NRCAM: variants seen among roughly 807,000 people sequenced by gnomAD.
NRCAM encodes the protein neuronal cell adhesion molecule, also known as NgCAM-related cell adhesion molecule.
A neutral mutation model predicts 156.5 loss-of-function variants in NRCAM; 83 were observed. That is an observed-to-expected ratio of 0.53 (90% CI 0.44 to 0.64). The LOEUF is 0.64. NRCAM is among the 30% of genes least tolerant of loss of function. The pLI, the probability that NRCAM is intolerant of heterozygous loss-of-function variation, is 0.00. For synonymous variants in NRCAM, 538 were observed against 563.9 expected, an observed-to-expected ratio of 0.95 and a Z score of 0.65; for missense variants, 1,417 against 1,597.3, an observed-to-expected ratio of 0.89 and a Z score of 1.92.
intron 2 of NRCAM, among the ~76,000 whole-genome samples, chr7:108,347,805 G>A (rs1227172405): frequency 2.0e-5 from 3 of 152,100 alleles, no homozygotes; most frequent in African/African-American, 2.4e-5. Flanking sequence ...TACACAAAGC[G>A]CTCTCCTTGG....
intron 3 of NRCAM, among the ~76,000 whole-genome samples, chr7:108,251,771 T>G (rs986947630): frequency 6.6e-6 from 1 of 152,066 alleles, no homozygotes. Flanking sequence ...TCAGCTGAAG[T>G]TGAGCAGTGG....
At chr7:108,160,679 C>A (rs762999690) in intron 30 of NRCAM, among the ~76,000 whole-genome samples, 187 bp from the exon 31 acceptor site, 1 of 152,142 alleles carries the variant, frequency 6.6e-6, no homozygotes, top group Non-Finnish European at 1.5e-5. Context: ...AATCTTCATT[C>A]ATTAAAAAAT....
chr7:108,455,107 C>CCCCGGGG (rs1428039936), intron 1 of NRCAM, among the ~76,000 whole-genome samples: 1 of 152,170 alleles, frequency 6.6e-6, no homozygotes, highest in Non-Finnish European at 1.5e-5. Flanking sequence ...TGTTCGCCAG[C>CCCCGGGG]CCCGGGGCCC....
intron 3 of NRCAM, among the ~76,000 whole-genome samples, chr7:108,283,176 A>T (rs918827141): frequency 6.6e-6 from 1 of 152,242 alleles, no homozygotes; most frequent in Non-Finnish European, 1.5e-5. Flanking sequence ...TCTAAGAGCT[A>T]AATTTTGGTG....
chr7:108,167,023 CA>C lies in NRCAM; in HGVS notation c.3363del (p.Phe1121LeufsTer3). 6.2e-7 allele frequency: 1 copy of C among 1,613,914 alleles called. No homozygotes were observed. The highest frequency in any genetic ancestry group is 8.5e-7 in the Non-Finnish European group (1 of 1,179,836). ...KEIVNGSRSFFGLKGLMPGTA... is the reference protein window; with the variant it reads ...KEIVNGSRSFXGLKGLMPGTA... ...GTTCCTGGCATTAGACCCTTTAACC[CA>C]AAGAAGCTCCGAGAACCATTTACAA... On this transcript the variant is annotated frameshift_variant, in exon 30 of 33. Transcript: ENST00000379028. LOFTEE classifies it high-confidence loss of function.
intron 3 of NRCAM, among the ~76,000 whole-genome samples, chr7:108,309,178 T>G (rs955217479): frequency 6.6e-6 from 1 of 152,220 alleles, no homozygotes; most frequent in Non-Finnish European, 1.5e-5. Flanking sequence ...TGTCCAAGTA[T>G]GCTAATGTTT....
intron 3 of NRCAM, among the ~76,000 whole-genome samples, chr7:108,299,134 G>GA (rs1212155849): frequency 3.5e-5 from 3 of 85,604 alleles, no homozygotes; most frequent in African/African-American, 8.9e-5. Flanking sequence ...AAGAAAGAAA[G>GA]AAAGAAAAGA....
intron 2 of NRCAM, among the ~76,000 whole-genome samples, chr7:108,325,791 A>C (rs1156538300): frequency 6.6e-6 from 1 of 152,106 alleles, no homozygotes; most frequent in Non-Finnish European, 1.5e-5. Context: ...GCATCAGTAA[A>C]TATTAGTTGA....
At chr7:108,384,827 C>T (rs1438496849) in intron 2 of NRCAM, among the ~76,000 whole-genome samples, 1 of 152,152 alleles carries the variant, frequency 6.6e-6, no homozygotes, top group African/African-American at 2.4e-5. Flanking sequence ...ACTATTGGTT[C>T]ATCACATTAG....
rs2099590041 is a variant in NRCAM, at chr7:108,366,088, A to G, written c.-174+33348T>C. Among the ~76,000 whole-genome samples the G allele has an allele frequency of 2.0e-5, 3 of 152,356 alleles. No individual in the cohort carries two copies. In the East Asian group the frequency reaches 5.8e-4, roughly 29 times the overall value. ...CATCTCTTCTGCCATGTGAGGACAC[A>G]GGGTTCAAGGTGCCATCTTGGAAGC... is the stretch of plus-strand genomic sequence containing the variant. On this transcript the variant is annotated intron_variant, in intron 2 of 32. Transcript: ENST00000379028.
intron 11 of NRCAM, among the ~76,000 whole-genome samples, chr7:108,212,968 G>A (rs947741759): frequency 5.9e-5 from 9 of 152,216 alleles, no homozygotes; most frequent in Admixed American, 2.0e-4. Context: ...TTAAGATGAC[G>A]GAAATAATCT....
intron 1 of NRCAM, among the ~76,000 whole-genome samples, chr7:108,400,052 A>G (rs1170038380): frequency 6.6e-6 from 1 of 152,214 alleles, no homozygotes; most frequent in Non-Finnish European, 1.5e-5. Flanking sequence ...CAAGGTTGAC[A>G]ATGTCAGAGA....
intron 2 of NRCAM, among the ~76,000 whole-genome samples, chr7:108,320,636 T>C (rs188506613): frequency 6.6e-6 from 1 of 152,072 alleles, no homozygotes; most frequent in African/African-American, 2.4e-5. Context: ...TCATAAAATA[T>C]GATTATTTAG....
chr7:108,166,554 G>T (rs560938111), intron 30 of NRCAM, among the ~76,000 whole-genome samples: 11 of 152,154 alleles, frequency 7.2e-5, no homozygotes, highest in Non-Finnish European at 1.0e-4. Context: ...GGCCAGAATT[G>T]TGACTTTCTT....
At chr7:108,239,561 T>A (rs2095390090) in intron 4 of NRCAM, among the ~76,000 whole-genome samples, 1 of 151,984 alleles carries the variant, frequency 6.6e-6, no homozygotes, top group Non-Finnish European at 1.5e-5. Flanking sequence ...AAGAGTAAAG[T>A]GGTGAAGGGA....
chr7:108,385,784 T>C (rs1007464705), intron 2 of NRCAM, among the ~76,000 whole-genome samples: 1 of 152,120 alleles, frequency 6.6e-6, no homozygotes, highest in African/African-American at 2.4e-5. Flanking sequence ...GAATGGAATG[T>C]ATTGGAGAGA....
intron 1 of NRCAM, among the ~76,000 whole-genome samples, chr7:108,443,332 A>G (rs1212015471): frequency 6.6e-6 from 1 of 152,214 alleles, no homozygotes; most frequent in Non-Finnish European, 1.5e-5. Context: ...GAGACATCAT[A>G]AAGGACCAGC....
chr7:108,260,811 A>G lies in NRCAM; in HGVS notation c.-106-20641T>C, dbSNP rs80328342. Among the ~76,000 whole-genome samples the G allele has an allele frequency of 7.8e-3, 1,187 of 152,276 alleles. 12 individuals are homozygous for G. The highest frequency in any genetic ancestry group is 0.027 in the African/African-American group (1,115 of 41,556). On this transcript the variant is annotated intron_variant, in intron 3 of 32. Coordinates refer to ENST00000379028, the MANE Select transcript of NRCAM (RefSeq NM_001037132.4). ...CATAAACAGGTGTTGGGCACAATGTATATAAATTAGCCTTTTAAATTATCT... is the reference window on the plus strand; with the variant it reads ...CATAAACAGGTGTTGGGCACAATGTGTATAAATTAGCCTTTTAAATTATCT...
Position 108,252,088 on chromosome 7 carries a change from T to C in NRCAM, c.-106-11918A>G, listed in dbSNP as rs77233007. Among the ~76,000 whole-genome samples the C allele has an allele frequency of 1.0e-3, 155 of 152,224 alleles. 1 individual carries two copies. Among genetic ancestry groups the C allele is most frequent in the African/African-American group, 3.6e-3 (151 of 41,534 alleles). Reference sequence around the variant, plus strand: ...CCAGGGAGACCACTAAGACTAAGATTTGAGACCAAGGGATGTGGGAGATGG... The same window carrying C: ...CCAGGGAGACCACTAAGACTAAGATCTGAGACCAAGGGATGTGGGAGATGG... On this transcript the variant is annotated intron_variant, in intron 3 of 32. Transcript: ENST00000379028.
Sources: allele counts gnomAD v4.1 joint callset (sites outside exome capture counted in the v4.1 genomes callset), GRCh38; gene constraint gnomAD v4.1.1; transcripts MANE v1.5; gene names NCBI Gene and HGNC (gene_info 2026-07-23, HGNC 2026-07-21).